RIMBP2: variants seen among roughly 807,000 people sequenced by gnomAD.
RIMBP2 encodes RIMS binding protein 2.
A neutral mutation model predicts 118.6 loss-of-function variants in RIMBP2; 48 were observed. The ratio of observed to expected loss-of-function variants is 0.40; its 90% confidence interval spans 0.32 to 0.51. RIMBP2 has a LOEUF of 0.51. Ranked by LOEUF, RIMBP2 falls within the 20% of genes least tolerant of loss-of-function variation. The pLI is 0.41. For missense variants in RIMBP2, 1,551 were observed against 1,768.3 expected (o/e 0.88, Z 2.20); for synonymous variants, 762 against 742.9 (o/e 1.03, Z -0.42).
chr12:130,609,835 C>G (rs1417555266), intron 2 of RIMBP2, among the ~76,000 whole-genome samples: 2 of 152,106 alleles, frequency 1.3e-5, no homozygotes, highest in Non-Finnish European at 2.9e-5. Context: ...GACCCAGGAG[C>G]TTCAGCATCT....
chr12:130,664,410 C>CGCACACGCACGT (rs1566438938), intron 1 of RIMBP2, among the ~76,000 whole-genome samples: 1 of 79,754 alleles, frequency 1.3e-5, no homozygotes, highest in African/African-American at 4.9e-5. Context: ...CACGCACGCA[C>CGCACACGCACGT]GCACACACAC....
intron 2 of RIMBP2, among the ~76,000 whole-genome samples, chr12:130,607,004 G>A (rs1162223355): frequency 6.6e-6 from 1 of 151,980 alleles, no homozygotes; most frequent in Non-Finnish European, 1.5e-5. Flanking sequence ...GCTAATTTTT[G>A]TATTTTTAGT....
chr12:130,708,635 G>A (rs1025496570), intron 1 of RIMBP2, among the ~76,000 whole-genome samples: 16 of 152,210 alleles, frequency 1.1e-4, no homozygotes, highest in Admixed American at 2.6e-4. Flanking sequence ...GCAGTGAACC[G>A]GGATTATGCC....
At chr12:130,410,950 A>C (rs1245337382) in intron 19 of RIMBP2, among the ~76,000 whole-genome samples, 5 of 152,212 alleles carry the variant, frequency 3.3e-5, no homozygotes, top group African/African-American at 1.2e-4. Flanking sequence ...CACTTGGGGC[A>C]GCTGACATAC....
At position 130,652,492 on chromosome 12, in the gene RIMBP2, C is replaced by T. The variant is rs141775003; in HGVS notation, c.-351-24036G>A. On this transcript the variant is annotated intron_variant, in intron 1 of 22. Transcript: ENST00000690449. ...CCCTCACTTTTTCATCTGTTACGCT[C>T]ATTTTTGTTAATATTGTCCAATGGT... Among the ~76,000 whole-genome samples the T allele has an allele frequency of 2.9e-3, 440 of 152,226 alleles. 1 individual carries two copies. Among genetic ancestry groups the T allele is most frequent in the Middle Eastern group, 0.01 (3 of 294 alleles).
Position 130,424,619 on chromosome 12 carries a change from G to A in RIMBP2, c.2652C>T (p.Phe884=), listed in dbSNP as rs1392805259. ...CCCCCGAGCCCCTGTGCTTCACCGG[G>A]AACCAGGAGCCCCGAGGGGCCTCGT... ...RGDEAPRGSW[F]PVKHRGSGAV... is the part of the protein sequence containing the mutation. Residue 884 remains phenylalanine, a synonymous_variant, in exon 16 of 23, where the codon TTC becomes TTT. Coordinates refer to ENST00000690449, the MANE Select transcript of RIMBP2 (RefSeq NM_001393629.1). This position sits in a 1 kb window ranked among gnomAD's most constrained non-coding sequence, Gnocchi z 9.8. 5 of 1,231,650 alleles carry A rather than the reference G, an allele frequency of 4.1e-6. No homozygotes were observed. Among genetic ancestry groups the A allele is most frequent in the Non-Finnish European group, 5.1e-6 (5 of 987,776 alleles). 76.3% of individuals were successfully genotyped at this position (1,231,650 alleles called of 1,614,324 possible).
At position 130,581,462 on chromosome 12, in the gene RIMBP2, A is replaced by G. The variant is rs1193989203; in HGVS notation, c.-217+46860T>C. 1.3e-5 allele frequency among the ~76,000 whole-genome samples: 2 copies of G among 152,166 alleles called. No individual in the cohort carries two copies. The highest frequency in any genetic ancestry group is 4.8e-5 in the African/African-American group (2 of 41,448). On this transcript the variant is annotated intron_variant, in intron 2 of 22. Coordinates refer to ENST00000690449, the MANE Select transcript of RIMBP2 (RefSeq NM_001393629.1). The surrounding 1 kb of genome is among the most constrained non-coding windows in gnomAD (Gnocchi z 4.4). The stretch of plus-strand genomic sequence containing the variant: ...CCATGCTCACCCCCACTGCCCACCC[A>G]GCCTGTCCCAGTGGAGGTCTCAGAG...
intron 21 of RIMBP2, among the ~76,000 whole-genome samples, chr12:130,405,440 CAT>C (rs1373730692): frequency 2.0e-5 from 3 of 152,114 alleles, no homozygotes; most frequent in Admixed American, 6.5e-5. Context: ...GGTGGAAACA[CAT>C]GTGCAAGGTG....
chr12:130,488,608 A>G (rs182541176), intron 4 of RIMBP2, among the ~76,000 whole-genome samples: 2 of 152,198 alleles, frequency 1.3e-5, no homozygotes, highest in Admixed American at 6.5e-5. Flanking sequence ...GTCTCTGTTG[A>G]AACATCTATA....
At position 130,664,379 on chromosome 12, in the gene RIMBP2, G is replaced by GCACACA. The variant is rs1479300929; in HGVS notation, c.-351-35924_-351-35923insTGTGTG. Reference sequence around the variant, plus strand: ...CACACACATATGCACGTGCATGCACGCACGCGCATGCACACACACGCACGC... The same window carrying GCACACA: ...CACACACATATGCACGTGCATGCACGCACACACACGCGCATGCACACACACGCACGC... On this transcript the variant is annotated intron_variant, in intron 1 of 22. Transcript: ENST00000690449. Among the ~76,000 whole-genome samples the GCACACA allele has an allele frequency of 5.0e-4, 64 of 127,824 alleles. 2 individuals are homozygous for GCACACA. The highest frequency in any genetic ancestry group is 8.3e-4 in the Non-Finnish European group (48 of 57,620). 83.9% of individuals were successfully genotyped at this position (127,824 alleles called of 152,430 possible).
intron 2 of RIMBP2, among the ~76,000 whole-genome samples, chr12:130,541,254 T>G (rs957853523): frequency 7.2e-5 from 11 of 152,232 alleles, no homozygotes; most frequent in African/African-American, 2.2e-4. Flanking sequence ...ACTCTGAGAT[T>G]AGAGATCTTT....
chr12:130,591,899 A>G (rs1246613240), intron 2 of RIMBP2, among the ~76,000 whole-genome samples: 3 of 152,210 alleles, frequency 2.0e-5, no homozygotes, highest in African/African-American at 4.8e-5. Flanking sequence ...TTAACTGTGC[A>G]TTTGCATCTT....
chr12:130,509,188 G>A (rs1431145198), intron 3 of RIMBP2, among the ~76,000 whole-genome samples: 19 of 152,200 alleles, frequency 1.2e-4, no homozygotes, highest in African/African-American at 3.6e-4. Flanking sequence ...TGATTAGGGC[G>A]GCTTACCACA....
chr12:130,639,383 T>TAA (rs59431769), intron 1 of RIMBP2, among the ~76,000 whole-genome samples: 8,086 of 130,798 alleles, frequency 0.062, 580 homozygotes, highest in African/African-American at 0.16. Flanking sequence ...AACTCCATCT[T>TAA]AAAAAAAAAA....
chr12:130,438,334 A>ATGGCCCCCCC, intron 12 of RIMBP2, 31 bp downstream of exon 12: 1 of 1,344,514 alleles, frequency 7.4e-7, no homozygotes, highest in Non-Finnish European at 1.1e-6. Flanking sequence ...GGGCCTAACA[A>ATGGCCCCCCC]ACCCTCCCCA....
At chr12:130,491,822 G>C (rs186730457) in intron 4 of RIMBP2, among the ~76,000 whole-genome samples, 2 of 152,360 alleles carry the variant, frequency 1.3e-5, no homozygotes, top group Admixed American at 1.3e-4. Context: ...GGCCAAAACT[G>C]CCTGTCTGAA....
chr12:130,686,712 T>A (rs2065064467), intron 1 of RIMBP2, among the ~76,000 whole-genome samples: 1 of 152,132 alleles, frequency 6.6e-6, no homozygotes, highest in Non-Finnish European at 1.5e-5. Flanking sequence ...AGCGAGGCCG[T>A]GTCTTCCAAC....
At chr12:130,484,122 G>A (rs548772127) in intron 4 of RIMBP2, among the ~76,000 whole-genome samples, 48 of 152,288 alleles carry the variant, frequency 3.2e-4, no homozygotes, top group Middle Eastern at 3.4e-3. Context: ...TCCTTGGCCG[G>A]AAGGAGCCCG....
chr12:130,696,235 C>T lies in RIMBP2; in HGVS notation c.-352+19987G>A, dbSNP rs373662229. Among the ~76,000 whole-genome samples, 27 of 152,190 alleles carry T rather than the reference C, an allele frequency of 1.8e-4. 1 individual carries two copies. Among genetic ancestry groups the T allele is most frequent in the Admixed American group, 6.5e-4 (10 of 15,280 alleles). Reference sequence around the variant, plus strand: ...AAAACCTTACTGGGAGTGCAGAAGACGCCTGCACAATGCAGCTGCCTGGGG... The same window carrying T: ...AAAACCTTACTGGGAGTGCAGAAGATGCCTGCACAATGCAGCTGCCTGGGG... On this transcript the variant is annotated intron_variant, in intron 1 of 22. Transcript: ENST00000690449.
Sources: gnomAD v4.1 joint callset for allele counts (sites outside exome capture counted in the v4.1 genomes callset) on GRCh38, gnomAD v4.1.1 for gene constraint, Gnocchi (gnomAD v3.1) non-coding constraint, MANE v1.5 for transcripts, NCBI Gene and HGNC (gene_info 2026-07-23, HGNC 2026-07-21) for gene names.